ESYT2: variants seen among roughly 807,000 people sequenced by gnomAD.
The protein encoded by ESYT2 is extended synaptotagmin 2, also known as extended synaptotagmin-2.
ESYT2 carries 54 observed loss-of-function variants against 107.2 expected under a neutral mutation model. The ratio of observed to expected loss-of-function variants is 0.50; its 90% CI spans 0.40 to 0.63. The LOEUF is 0.63. ESYT2 is among the 30% of genes least tolerant of loss of function. The probability of loss-of-function intolerance (pLI) is 0.00; values close to 1 mark genes in which losing one functional copy is unlikely to be tolerated. For synonymous variants in ESYT2, 491 were observed against 434.1 expected (o/e 1.13, Z -1.63); for missense variants, 1,020 against 1,094.5 (o/e 0.93, Z 0.96).
rs1837626720 is a variant in ESYT2 at position 158,752,838 on chromosome 7, G to T, written c.1425C>A (p.Asn475Lys). The T allele has an allele frequency of 1.5e-6, 2 of 1,303,572 alleles. No homozygotes were observed. The highest frequency in any genetic ancestry group is 3.0e-5 in the African/African-American group (2 of 65,830). 80.8% of individuals were successfully genotyped at this position (1,303,572 alleles called of 1,614,324 possible). ...AGACATCGGGGTTAAATTCTAATGGGTTACTCTTTCAAGTCAGAAGAAAAC... is the reference window on the plus strand; with the variant it reads ...AGACATCGGGGTTAAATTCTAATGGTTTACTCTTTCAAGTCAGAAGAAAAC... ...YLDSARNLPS[N>K]PLEFNPDVLK... The change falls in exon 14 of 23, where the codon AAC (asparagine) becomes AAA (lysine). Residue 475 changes from asparagine to lysine, a missense_variant. By Grantham distance (94) the Asn-to-Lys change is moderately conservative. Transcript: ENST00000275418.
intron 7 of ESYT2, among the ~76,000 whole-genome samples, chr7:158,770,018 G>A (rs796177365): frequency 5.8e-4 from 88 of 151,886 alleles, no homozygotes; most frequent in African/African-American, 2.1e-3. Context: ...TCCACCTCCC[G>A]AGTAGCTGGG....
In ESYT2 at chr7:158,734,156, C is replaced by A. The variant is rs370135037; in HGVS notation, c.*51G>T. 5.6e-6 allele frequency: 9 copies of A among 1,601,312 alleles called. No individual in the cohort carries two copies. The highest frequency in any genetic ancestry group is 7.7e-6 in the Non-Finnish European group (9 of 1,169,128). On this transcript the variant is annotated 3_prime_UTR_variant, in exon 23 of 23. Coordinates refer to ENST00000275418, the MANE Select transcript of ESYT2 (RefSeq NM_001367773.1). ...GGTACGTCTGTGAGAGGGTGTGTTC[C>A]GGGTAGAGGTGGAGAGCTACGCTGA... is the stretch of plus-strand genomic sequence containing the variant.
intron 21 of ESYT2, 123 bp downstream of exon 21, chr7:158,735,380 C>A: frequency 1.4e-6 from 1 of 702,380 alleles, no homozygotes; most frequent in South Asian, 1.9e-5. Flanking sequence ...GATTTATAAA[C>A]AAGCATCGAC....
At chr7:158,767,265 A>C (rs1455115756) in intron 8 of ESYT2, among the ~76,000 whole-genome samples, 1 of 152,218 alleles carries the variant, frequency 6.6e-6, no homozygotes, top group Non-Finnish European at 1.5e-5. Flanking sequence ...TTATTACATG[A>C]AGCTCTCATC....
At position 158,741,900 on chromosome 7, in the gene ESYT2, G is replaced by A; in HGVS notation, c.1795-4C>T. 1 of 1,580,448 alleles carries A rather than the reference G, an allele frequency of 6.3e-7. No homozygotes were observed. The highest frequency in any genetic ancestry group is 8.6e-7 in the Non-Finnish European group (1 of 1,164,958). On this transcript the variant is annotated splice_region_variant and splice_polypyrimidine_tract_variant and intron_variant, in intron 17 of 22. Transcript: ENST00000275418. ...CTCGCTTTTCGAGATGGAGCACCTA[G>A]AGGTGGACATAAACATAAAAATTAA... is the stretch of plus-strand genomic sequence containing the variant.
chr7:158,773,895 C>A (rs1029205986), intron 6 of ESYT2, among the ~76,000 whole-genome samples: 1 of 152,184 alleles, frequency 6.6e-6, no homozygotes, highest in Admixed American at 6.5e-5. Context: ...ACATACCTCA[C>A]CAAAAACAAT....
At chr7:158,809,481 A>AAAAAAAAC (rs1422461751) in intron 1 of ESYT2, among the ~76,000 whole-genome samples, 7 of 150,058 alleles carry the variant, frequency 4.7e-5, no homozygotes, top group Admixed American at 2.7e-4. Context: ...TCTCAAAAAA[A>AAAAAAAAC]AAAAAAAAAA....
At chr7:158,792,724 G>C (rs891859245) in intron 4 of ESYT2, among the ~76,000 whole-genome samples, 5 of 147,566 alleles carry the variant, frequency 3.4e-5, no homozygotes, top group Non-Finnish European at 1.5e-5. Flanking sequence ...TGATTTTAAA[G>C]AAAAAGCTTT....
chr7:158,788,450 T>G (rs1389225677), intron 4 of ESYT2, 33 bp from the exon 5 acceptor site: 5 of 1,517,534 alleles, frequency 3.3e-6, no homozygotes, highest in Non-Finnish European at 4.5e-6. Context: ...ATGATGTAAG[T>G]GAAATGAACT....
chr7:158,765,000 C>CG (rs910938435), intron 8 of ESYT2, 147 bp from the exon 9 acceptor site: 1 of 753,912 alleles, frequency 1.3e-6, no homozygotes, highest in African/African-American at 1.8e-5. Context: ...ATCCCAGCAG[C>CG]GGGGAAATGC....
intron 1 of ESYT2, among the ~76,000 whole-genome samples, chr7:158,822,977 G>A (rs1840328169): frequency 6.6e-6 from 1 of 151,904 alleles, no homozygotes; most frequent in Non-Finnish European, 1.5e-5. Context: ...CACTATAACT[G>A]ACCACCTTTT....
chr7:158,764,759 C>A lies in ESYT2; in HGVS notation c.1019G>T (p.Gly340Val), dbSNP rs1387804773. The change falls in exon 9 of 23, where the codon GGA becomes GTA. Residue 340 changes from glycine to valine, a missense_variant. Gly to Val is a moderately radical substitution (Grantham distance 109, BLOSUM62 -3). Coordinates refer to ENST00000275418, the MANE Select transcript of ESYT2 (RefSeq NM_001367773.1). ...GATTTGGTTGCCAACTCTAATGATTCCATAGGGGTCTGACTTTCCCTTGAC... is the reference window on the plus strand; with the variant it reads ...GATTTGGTTGCCAACTCTAATGATTACATAGGGGTCTGACTTTCCCTTGAC... ...GLVKGKSDPY[G>V]IIRVGNQIFQ... 2 of 1,614,170 alleles carry A rather than the reference C, an allele frequency of 1.2e-6. No individual in the cohort carries two copies.
At chr7:158,799,001 T>C in intron 2 of ESYT2, 30 bp downstream of exon 2, 1 of 1,590,758 alleles carries the variant, frequency 6.3e-7, no homozygotes, top group South Asian at 1.1e-5. Context: ...ATTCCACTGA[T>C]GGATGGTAGT....
intron 6 of ESYT2, among the ~76,000 whole-genome samples, chr7:158,777,440 T>G (rs925699424): frequency 1.3e-5 from 2 of 152,044 alleles, no homozygotes; most frequent in Non-Finnish European, 1.5e-5. Context: ...TGGTAGGAGG[T>G]GATTGGCGTG....
At chr7:158,745,881 A>G (rs986705389) in intron 16 of ESYT2, among the ~76,000 whole-genome samples, 156 of 152,336 alleles carry the variant, frequency 1.0e-3, no homozygotes, top group African/African-American at 3.6e-3. Context: ...AAATGCCTAC[A>G]TTATAAAAAC....
rs143109642 is a variant in ESYT2, at chr7:158,782,000, AAC to A, written c.747+6002_747+6003del. 5.0e-3 allele frequency among the ~76,000 whole-genome samples: 756 copies of A among 152,012 alleles called. 11 individuals carry two copies. Among genetic ancestry groups the A allele is most frequent in the African/African-American group, 0.018 (725 of 41,428 alleles). On this transcript the variant is annotated intron_variant, in intron 6 of 22. Coordinates refer to ENST00000275418, the MANE Select transcript of ESYT2 (RefSeq NM_001367773.1). ...AGTGTGAGATGTGTGTAATTACGAG[AAC>A]AAGTGTGTGAACAAAGTGAGGTGTA...
At chr7:158,786,160 G>A (rs1335776572) in intron 6 of ESYT2, among the ~76,000 whole-genome samples, 1 of 152,104 alleles carries the variant, frequency 6.6e-6, no homozygotes, top group Non-Finnish European at 1.5e-5. Flanking sequence ...AAGTTAATAC[G>A]TTATTTTAAA....
chr7:158,787,925 T>G (rs771168893), intron 6 of ESYT2, 79 bp downstream of exon 6: 82 of 1,203,556 alleles, frequency 6.8e-5, no homozygotes, highest in Non-Finnish European at 9.8e-5. Context: ...ATTTTGTTTC[T>G]CCACTTTATA....
intron 13 of ESYT2, among the ~76,000 whole-genome samples, chr7:158,757,906 C>T (rs1587398014): frequency 6.6e-6 from 1 of 152,334 alleles, no homozygotes; most frequent in East Asian, 1.9e-4. Context: ...AAAACAAATT[C>T]ACTTCCATCA....
Sources: allele counts gnomAD v4.1 joint callset (sites outside exome capture counted in the v4.1 genomes callset), GRCh38; gene constraint gnomAD v4.1.1; transcripts MANE v1.5; gene names NCBI Gene and HGNC (gene_info 2026-07-23, HGNC 2026-07-21).